The following MOXD1 variants were observed in gnomAD, a reference collection of about 807,000 sequenced individuals.
MOXD1 encodes the protein DBH-like monooxygenase protein 1.
Under a neutral mutation model 66.6 loss-of-function variants are expected in MOXD1, and 62 were observed. The observed-to-expected ratio is 0.93, with a 90% CI of 0.76 to 1.15. The LOEUF is 1.15. Ranked by LOEUF, MOXD1 falls within the 50% of genes most tolerant of loss-of-function variation. MOXD1 has a pLI of 0.00. For synonymous variants in MOXD1, 303 were observed against 281.9 expected (o/e 1.07, Z -0.75); for missense variants, 847 against 754.6 (o/e 1.12, Z -1.44).
chr6:132,385,277 A>C (rs2114683069), intron 1 of MOXD1, among the ~76,000 whole-genome samples: 1 of 152,152 alleles, frequency 6.6e-6, no homozygotes, highest in African/African-American at 2.4e-5. Flanking sequence ...TCTTAGGTCA[A>C]AGTAATGTAC....
chr6:132,372,490 TA>T (rs1310258431), intron 4 of MOXD1, 117 bp downstream of exon 4: 3 of 962,460 alleles, frequency 3.1e-6, no homozygotes, highest in Non-Finnish European at 4.6e-6. Flanking sequence ...CTTTTTTCTC[TA>T]AAAAACTTTC....
rs190091741 is a variant in MOXD1, at chr6:132,376,755, C to G, written c.265-1978G>C. On this transcript the variant is annotated intron_variant, in intron 1 of 11. Coordinates refer to ENST00000367963, the MANE Select transcript of MOXD1 (RefSeq NM_015529.4). ...GTCTCGATCTCCTGACCTCGTGATC[C>G]GCCCGCCTCGGCCTCCCAAAGTGCT... Among the ~76,000 whole-genome samples, 4 of 61,136 alleles carry G rather than the reference C, an allele frequency of 6.5e-5. 1 individual carries two copies. In the South Asian group the frequency reaches 2.1e-3, roughly 32 times the overall value. The allele number at this position is 61,136 out of a possible 152,430, so 40.1% of individuals were successfully genotyped here.
chr6:132,297,847 CT>C lies in MOXD1; in HGVS notation c.1616del (p.Lys539SerfsTer8). The C allele has an allele frequency of 6.2e-7, 1 of 1,613,394 alleles. No homozygotes were observed. Among genetic ancestry groups the C allele is most frequent in the Non-Finnish European group, 8.5e-7 (1 of 1,179,620 alleles). ...CATTCACTGGCAGGCTGAGGACCAGCTTGTTGAAGGAGAGACCTTCCTTTTT... is the reference window on the plus strand; with the variant it reads ...CATTCACTGGCAGGCTGAGGACCAGCTGTTGAAGGAGAGACCTTCCTTTTT... ...WTKKEGLSFN[K>X]LVLSLPVNVR... is the part of the protein sequence containing the mutation. On this transcript the variant is annotated frameshift_variant, in exon 11 of 12. Transcript: ENST00000367963. LOFTEE classifies it high-confidence loss of function.
intron 4 of MOXD1, among the ~76,000 whole-genome samples, chr6:132,371,027 C>G (rs1203814597): frequency 6.6e-6 from 1 of 152,074 alleles, no homozygotes; most frequent in Non-Finnish European, 1.5e-5. Flanking sequence ...AATAAAAATG[C>G]ATTCACAGTA....
chr6:132,297,974 G>A lies in MOXD1; in HGVS notation c.1509-19C>T. On this transcript the variant is annotated intron_variant, in intron 10 of 11. Coordinates refer to ENST00000367963, the MANE Select transcript of MOXD1 (RefSeq NM_015529.4). ...CCAGGTCCTGAATTTAAAAGACACA[G>A]TTAGTCATATTCAGAACAAATGCAT... 6.3e-7 allele frequency: 1 copy of A among 1,595,960 alleles called. No homozygotes were observed. The highest frequency in any genetic ancestry group is 2.2e-5 in the East Asian group (1 of 44,650).
chr6:132,320,560 T>C lies in MOXD1; in HGVS notation c.1365+69A>G, dbSNP rs966011328. On this transcript the variant is annotated intron_variant, in intron 9 of 11. Coordinates refer to ENST00000367963, the MANE Select transcript of MOXD1 (RefSeq NM_015529.4). ...CTAAATGGAAATGGTTTTTACCTTT[T>C]TCTTCTAAAATCAAGTTTATTTCTT... 8 of 1,343,054 alleles carry C rather than the reference T, an allele frequency of 6.0e-6. No individual in the cohort carries two copies. In the Admixed American group the frequency reaches 1.4e-4, roughly 23 times the overall value. 83.2% of individuals were successfully genotyped at this position (1,343,054 alleles called of 1,614,324 possible).
intron 1 of MOXD1, among the ~76,000 whole-genome samples, chr6:132,384,627 T>C (rs1443571817): frequency 6.6e-6 from 1 of 152,204 alleles, no homozygotes; most frequent in Non-Finnish European, 1.5e-5. Context: ...GGCTAAGAAG[T>C]AAACCACAAT....
Position 132,392,414 on chromosome 6 carries a change from C to T in MOXD1, c.264+8749G>A, listed in dbSNP as rs191105506. 511 of 1,407,920 alleles carry T rather than the reference C, an allele frequency of 3.6e-4. 2 individuals carry two copies. In the African/African-American group the frequency reaches 6.6e-3, roughly 18 times the overall value. The allele number at this position is 1,407,920 out of a possible 1,614,324, so 87.2% of individuals were successfully genotyped here. On this transcript the variant is annotated intron_variant, in intron 1 of 11. Transcript: ENST00000367963. ...AACAGGCATATTCAACAACGTTGCTCTCTTCTCTAATTCACACAAACTCAG... is the reference window on the plus strand; with the variant it reads ...AACAGGCATATTCAACAACGTTGCTTTCTTCTCTAATTCACACAAACTCAG...
At chr6:132,340,638 ATTTTTT>A (rs869205496) in intron 4 of MOXD1, among the ~76,000 whole-genome samples, 11 of 98,808 alleles carry the variant, frequency 1.1e-4, no homozygotes, top group East Asian at 4.1e-4. Context: ...AACAAGACTC[ATTTTTT>A]TTTTTTTTTT....
At chr6:132,361,933 T>G (rs1488250255) in intron 4 of MOXD1, among the ~76,000 whole-genome samples, 1 of 152,110 alleles carries the variant, frequency 6.6e-6, no homozygotes, top group Non-Finnish European at 1.5e-5. Context: ...TCAGTAAAGG[T>G]GTGAAAAAGT....
At chr6:132,383,521 TGTTCTTTAA>T (rs1473716801) in intron 1 of MOXD1, among the ~76,000 whole-genome samples, 1 of 152,206 alleles carries the variant, frequency 6.6e-6, no homozygotes, top group Non-Finnish European at 1.5e-5. Context: ...GCAACCTGTT[TGTTCTTTAA>T]GTGTCACCTT....
intron 10 of MOXD1, among the ~76,000 whole-genome samples, chr6:132,298,214 T>C (rs904746602): frequency 1.3e-5 from 2 of 152,154 alleles, no homozygotes; most frequent in African/African-American, 4.8e-5. Context: ...AGATATGGGG[T>C]CTTGCTATGT....
At chr6:132,334,243 T>C (rs1181888158) in intron 4 of MOXD1, among the ~76,000 whole-genome samples, 2 of 152,224 alleles carry the variant, frequency 1.3e-5, no homozygotes, top group Non-Finnish European at 2.9e-5. Context: ...ATTTGCCTCT[T>C]AGTTTCTTGA....
At chr6:132,392,333 A>G in intron 1 of MOXD1, 1 of 1,565,304 alleles carries the variant, frequency 6.4e-7, no homozygotes, top group Non-Finnish European at 8.6e-7. Flanking sequence ...TTCAGCCTCC[A>G]TTCACCAGCG....
intron 6 of MOXD1, chr6:132,325,213 C>T (rs572074510): frequency 6.6e-6 from 1 of 152,250 alleles, no homozygotes; most frequent in South Asian, 2.1e-4. Flanking sequence ...AGGGTCATCA[C>T]AAGGAAGCAC....
chr6:132,372,942 CCAGCTTCTCCTG>C lies in MOXD1; in HGVS notation c.455_466del (p.Ala152_Ala155del). The C allele has an allele frequency of 6.2e-7, 1 of 1,613,956 alleles. No individual in the cohort carries two copies. Among genetic ancestry groups the C allele is most frequent in the East Asian group, 2.2e-5 (1 of 44,874 alleles). On this transcript the variant is annotated inframe_deletion, in exon 3 of 12. Coordinates refer to ENST00000367963, the MANE Select transcript of MOXD1 (RefSeq NM_015529.4). ...CCTATTGGAGTCATGGTACTTGGGACCAGCTTCTCCTGCATCTTCATGGTGGTAGGCCCAGAT... is the reference window on the plus strand; with the variant it reads ...CCTATTGGAGTCATGGTACTTGGGACCATCTTCATGGTGGTAGGCCCAGAT...
chr6:132,349,027 T>C (rs1266964889), intron 4 of MOXD1, among the ~76,000 whole-genome samples: 2 of 151,938 alleles, frequency 1.3e-5, no homozygotes, highest in African/African-American at 2.4e-5. Flanking sequence ...TAGTATTTGG[T>C]TACATAAGTA....
At position 132,401,292 on chromosome 6, in the gene MOXD1, G is replaced by T; in HGVS notation, c.135C>A (p.Gly45=). ...CCTGGAGGCGGAAGGCGATCTGGCT[G>T]CCCCGCTGGCTCCAGCCCAGCCAGT... ...GKYWLGWSQR[G]SQIAFRLQVR... is the part of the protein sequence containing the mutation. Residue 45 remains glycine, a synonymous_variant, in exon 1 of 12, where the codon GGC becomes GGA. Transcript: ENST00000367963. The T allele has an allele frequency of 1.3e-6, 2 of 1,597,500 alleles. No homozygotes were observed. Among genetic ancestry groups the T allele is most frequent in the Non-Finnish European group, 1.7e-6 (2 of 1,177,226 alleles).
chr6:132,352,640 G>A (rs1258213602), intron 4 of MOXD1, among the ~76,000 whole-genome samples: 2 of 152,138 alleles, frequency 1.3e-5, no homozygotes, highest in Non-Finnish European at 2.9e-5. Context: ...GTATATATCT[G>A]TTAAGTCCAT....
Sources: allele counts gnomAD v4.1 joint callset (sites outside exome capture counted in the v4.1 genomes callset), GRCh38; gene constraint gnomAD v4.1.1; transcripts MANE v1.5; gene names NCBI Gene and HGNC (gene_info 2026-07-23, HGNC 2026-07-21).